Variants in ADAMTS16 observed in about 807,000 individuals in gnomAD.
The protein encoded by ADAMTS16 is ADAM metallopeptidase with thrombospondin type 1 motif 16.
In ADAMTS16, 94 loss-of-function variants were observed where a neutral mutation model predicts 145.8. The ratio of observed to expected loss-of-function variants is 0.64; its 90% CI spans 0.55 to 0.77. The LOEUF (loss-of-function observed/expected upper bound fraction) is 0.77, where lower values mean the gene tolerates loss of function less well. Ranked by LOEUF, ADAMTS16 falls within the 30% of genes least tolerant of loss-of-function variation. ADAMTS16 has a pLI of 0.00. For missense variants in ADAMTS16, 1,585 were observed against 1,591.5 expected (o/e 1.00, Z 0.07); for synonymous variants, 659 against 604.3 (o/e 1.09, Z -1.33).
Position 5,140,524 on chromosome 5 carries a change from G to T in ADAMTS16, c.57G>T (p.Ala19=). Residue 19 remains alanine, a synonymous_variant, in exon 1 of 23, where the codon GCG becomes GCT. Coordinates refer to ENST00000274181, the MANE Select transcript of ADAMTS16 (RefSeq NM_139056.4). ...TGGCGGCGCTGTGGATGCTGTTGGCGCAGGTGGCCGAGCAGGTGAGTCCCG... is the reference window on the plus strand; with the variant it reads ...TGGCGGCGCTGTGGATGCTGTTGGCTCAGGTGGCCGAGCAGGTGAGTCCCG... The part of the protein sequence containing the change: ...RGLAALWMLL[A]QVAEQAPACA... 2.0e-6 allele frequency: 3 copies of T among 1,513,812 alleles called. No individual in the cohort carries two copies. The highest frequency in any genetic ancestry group is 1.4e-5 in the African/African-American group (1 of 69,780). 93.8% of individuals were successfully genotyped at this position (1,513,812 alleles called of 1,614,324 possible).
intron 17 of ADAMTS16, among the ~76,000 whole-genome samples, chr5:5,250,588 AGCAGGACCC>A (rs1301259177): frequency 2.6e-5 from 4 of 152,182 alleles, no homozygotes; most frequent in African/African-American, 9.6e-5. Context: ...CAGGCCCAGG[AGCAGGACCC>A]TGGTGTGATG....
At chr5:5,233,000 G>A (rs2126371246) in intron 12 of ADAMTS16, among the ~76,000 whole-genome samples, 1 of 151,128 alleles carries the variant, frequency 6.6e-6, no homozygotes, top group African/African-American at 2.4e-5. Flanking sequence ...ACCTCTCTGT[G>A]CTATAACTTA....
intron 18 of ADAMTS16, among the ~76,000 whole-genome samples, chr5:5,291,513 G>A (rs1289240473): frequency 6.6e-6 from 1 of 152,180 alleles, no homozygotes; most frequent in Non-Finnish European, 1.5e-5. Flanking sequence ...GCATAGAAAA[G>A]CTACTGTGAC....
At position 5,199,982 on chromosome 5, in the gene ADAMTS16, C is replaced by T; in HGVS notation, c.1314-150C>T. On this transcript the variant is annotated intron_variant, in intron 8 of 22. Coordinates refer to ENST00000274181, the MANE Select transcript of ADAMTS16 (RefSeq NM_139056.4). ...CTTGGAATACGTGAATATTCTTAAC[C>T]AATTGGCAGTTGTGACTTTTATTTT... The T allele has an allele frequency of 4.4e-6, 4 of 919,356 alleles. No homozygotes were observed. The Admixed American group carries it at 9.1e-5, about 21-fold the overall frequency. 56.9% of individuals were successfully genotyped at this position (919,356 alleles called of 1,614,324 possible). A position where few individuals can be genotyped will look rare whatever the true frequency, so the allele number is the denominator to read the frequency against.
intron 9 of ADAMTS16, among the ~76,000 whole-genome samples, chr5:5,207,156 C>G (rs1002565407): frequency 2.0e-5 from 3 of 152,210 alleles, no homozygotes; most frequent in African/African-American, 7.2e-5. Flanking sequence ...AATCTCCTGA[C>G]AAGATTGAGT....
chr5:5,302,900 T>C (rs1266548915), intron 18 of ADAMTS16, among the ~76,000 whole-genome samples: 1 of 152,184 alleles, frequency 6.6e-6, no homozygotes, highest in Non-Finnish European at 1.5e-5. Flanking sequence ...ACACTGAAAA[T>C]TGTGAAGGCT....
At chr5:5,238,989 C>T (rs574844959) in intron 14 of ADAMTS16, among the ~76,000 whole-genome samples, 162 bp from the exon 15 acceptor site, 14 of 152,252 alleles carry the variant, frequency 9.2e-5, no homozygotes, top group Middle Eastern at 3.4e-3. Flanking sequence ...ACTGTAGCCC[C>T]GCTGTGCACA....
At chr5:5,163,379 A>T (rs866845159) in intron 3 of ADAMTS16, among the ~76,000 whole-genome samples, 1 of 152,198 alleles carries the variant, frequency 6.6e-6, no homozygotes. Flanking sequence ...TCATCTGAAG[A>T]TTATACAATT....
intron 5 of ADAMTS16, among the ~76,000 whole-genome samples, chr5:5,186,664 C>T (rs1379640664): frequency 6.6e-6 from 1 of 152,090 alleles, no homozygotes; most frequent in Non-Finnish European, 1.5e-5. Flanking sequence ...TGTTCAAATG[C>T]TAAATATAAA....
intron 6 of ADAMTS16, among the ~76,000 whole-genome samples, chr5:5,188,126 A>G (rs972432340): frequency 3.3e-5 from 5 of 152,206 alleles, no homozygotes; most frequent in African/African-American, 7.2e-5. Context: ...TATCTTAGCC[A>G]TCGTGAGCTT....
chr5:5,253,502 A>G lies in ADAMTS16; in HGVS notation c.2663-9155A>G, dbSNP rs1055864113. The stretch of plus-strand genomic sequence containing the variant: ...TGCGTTTGTCTCAGGTGAGCCTCAG[A>G]GGGATGACTGACAGAAGGGGAGGCA... On this transcript the variant is annotated intron_variant, in intron 17 of 22. Coordinates refer to ENST00000274181, the MANE Select transcript of ADAMTS16 (RefSeq NM_139056.4). 5.3e-5 allele frequency among the ~76,000 whole-genome samples: 8 copies of G among 152,192 alleles called. No individual in the cohort carries two copies. In the East Asian group the frequency reaches 7.7e-4, roughly 15 times the overall value.
chr5:5,239,454 T>C (rs940474994), intron 15 of ADAMTS16, among the ~76,000 whole-genome samples, 180 bp downstream of exon 15: 1 of 152,184 alleles, frequency 6.6e-6, no homozygotes, highest in Non-Finnish European at 1.5e-5. Flanking sequence ...TGCTGAGTTA[T>C]TTGCAATAAA....
intron 11 of ADAMTS16, among the ~76,000 whole-genome samples, chr5:5,229,362 A>T (rs1022111710): frequency 9.2e-5 from 14 of 151,858 alleles, no homozygotes; most frequent in Non-Finnish European, 1.8e-4. Flanking sequence ...ATAAATAGAG[A>T]ACGTTAGGTT....
chr5:5,270,113 C>T (rs1183156327), intron 18 of ADAMTS16, among the ~76,000 whole-genome samples: 6 of 152,182 alleles, frequency 3.9e-5, no homozygotes, highest in Non-Finnish European at 7.3e-5. Flanking sequence ...AACCCAATGC[C>T]ATGCTTTCCT....
intron 16 of ADAMTS16, among the ~76,000 whole-genome samples, chr5:5,241,689 T>G (rs139031230): frequency 3.7e-4 from 56 of 152,348 alleles, no homozygotes; most frequent in African/African-American, 1.3e-3. Context: ...GCCAAATGCT[T>G]TTGTTAGGAT....
At position 5,219,947 on chromosome 5, in the gene ADAMTS16, T is replaced by C. The variant is rs73035049; in HGVS notation, c.1606-2842T>C. 1.9e-3 allele frequency among the ~76,000 whole-genome samples: 291 copies of C among 152,342 alleles called. 1 individual carries two copies. The highest frequency in any genetic ancestry group is 6.8e-3 in the African/African-American group (283 of 41,580). On this transcript the variant is annotated intron_variant, in intron 10 of 22. Transcript: ENST00000274181. ...TTACTCTGAATGGTAGTCTGAATCA[T>C]GGTCATCTTAAGTCATCTTTGGCTT...
At chr5:5,188,080 G>A (rs1323836664) in intron 6 of ADAMTS16, among the ~76,000 whole-genome samples, 1 of 152,092 alleles carries the variant, frequency 6.6e-6, no homozygotes. Context: ...TCAGCATATA[G>A]GTGGGACACA....
intron 8 of ADAMTS16, among the ~76,000 whole-genome samples, chr5:5,196,845 G>T (rs76821133): frequency 6.6e-6 from 1 of 152,100 alleles, no homozygotes; most frequent in Non-Finnish European, 1.5e-5. Context: ...AACTGAGGCT[G>T]GGGGGGTCAA....
At chr5:5,246,023 T>C (rs533264360) in intron 17 of ADAMTS16, among the ~76,000 whole-genome samples, 1 of 152,198 alleles carries the variant, frequency 6.6e-6, no homozygotes, top group African/African-American at 2.4e-5. Context: ...CAGTTTATCT[T>C]ATTGTGTCTG....
Sources: gnomAD v4.1 joint callset for allele counts (sites outside exome capture counted in the v4.1 genomes callset) on GRCh38, gnomAD v4.1.1 for gene constraint, MANE v1.5 for transcripts, NCBI Gene and HGNC (gene_info 2026-07-23, HGNC 2026-07-21) for gene names.